The following SGMS2 variants were observed in gnomAD, a reference collection of about 807,000 sequenced individuals.
SGMS2 encodes phosphatidylcholine:ceramide cholinephosphotransferase 2.
SGMS2 carries 21 observed loss-of-function variants against 43.8 expected under a neutral mutation model. That is an observed-to-expected ratio of 0.48 (90% CI 0.34 to 0.69). The LOEUF (loss-of-function observed/expected upper bound fraction) is 0.69, where lower values mean the gene tolerates loss of function less well. SGMS2 is among the 30% of genes least tolerant of loss of function. The pLI is 0.01. For synonymous variants in SGMS2, 167 were observed against 160.6 expected, an observed-to-expected ratio of 1.04 and a Z score of -0.30; for missense variants, 384 against 443.2, an observed-to-expected ratio of 0.87 and a Z score of 1.20.
intron 1 of SGMS2, among the ~76,000 whole-genome samples, chr4:107,849,781 C>T (rs904211205): frequency 9.9e-5 from 15 of 152,198 alleles, no homozygotes; most frequent in African/African-American, 3.4e-4. Flanking sequence ...ATATTTCCCT[C>T]TGCTCTCAAT....
intron 1 of SGMS2, among the ~76,000 whole-genome samples, chr4:107,850,579 C>T (rs1349537289): frequency 1.3e-5 from 2 of 152,190 alleles, no homozygotes; most frequent in African/African-American, 2.4e-5. Context: ...ATCCAGGGTA[C>T]CTAGCCCAAG....
At position 107,913,455 on chromosome 4, in the gene SGMS2, T is replaced by C. The variant is rs1298639263; in HGVS notation, c.*2902T>C. ...AGTCTACTCTGGTTTGTGGATGACATTGCATTAGGGTTATTTCCTGTATTA... is the reference window on the plus strand; with the variant it reads ...AGTCTACTCTGGTTTGTGGATGACACTGCATTAGGGTTATTTCCTGTATTA... On this transcript the variant is annotated 3_prime_UTR_variant, in exon 7 of 7. Transcript: ENST00000690982. 6.6e-6 allele frequency: 1 copy of C among 152,126 alleles called. No individual in the cohort carries two copies. The highest frequency in any genetic ancestry group is 1.5e-5 in the Non-Finnish European group (1 of 68,016). The allele number at this position is 152,126 out of a possible 1,614,324, so 9.4% of individuals were successfully genotyped here.
At chr4:107,859,245 C>T (rs140314464) in intron 2 of SGMS2, among the ~76,000 whole-genome samples, 12 of 152,040 alleles carry the variant, frequency 7.9e-5, no homozygotes, top group African/African-American at 2.9e-4. Context: ...TTCATTTGAC[C>T]CTGATGATAG....
chr4:107,842,791 T>A (rs1726600199), intron 1 of SGMS2, among the ~76,000 whole-genome samples: 1 of 152,204 alleles, frequency 6.6e-6, no homozygotes, highest in Non-Finnish European at 1.5e-5. Context: ...TTTTTTCAAC[T>A]CTTTAAATCC....
At chr4:107,904,792 G>A (rs1731412112) in intron 5 of SGMS2, among the ~76,000 whole-genome samples, 2 of 152,072 alleles carry the variant, frequency 1.3e-5, no homozygotes, top group South Asian at 4.2e-4. Context: ...TATTGGTTCT[G>A]GGGGGTTGGA....
chr4:107,852,131 C>T (rs535613361), intron 1 of SGMS2, among the ~76,000 whole-genome samples: 8 of 151,614 alleles, frequency 5.3e-5, no homozygotes, highest in Non-Finnish European at 5.9e-5. Context: ...TGCAGTGGCG[C>T]GATCTCGGCT....
chr4:107,835,953 G>A (rs984786378), intron 1 of SGMS2, among the ~76,000 whole-genome samples: 1 of 152,118 alleles, frequency 6.6e-6, no homozygotes, highest in Non-Finnish European at 1.5e-5. Flanking sequence ...ATACATGATA[G>A]CCATTTATGT....
chr4:107,889,480 G>T (rs1271074344), intron 2 of SGMS2, among the ~76,000 whole-genome samples: 2 of 152,118 alleles, frequency 1.3e-5, no homozygotes, highest in African/African-American at 2.4e-5. Flanking sequence ...ACTTGAAAAA[G>T]CATTTGATTA....
At chr4:107,847,241 T>C (rs1261971591) in intron 1 of SGMS2, among the ~76,000 whole-genome samples, 2 of 152,100 alleles carry the variant, frequency 1.3e-5, no homozygotes, top group Admixed American at 6.5e-5. Flanking sequence ...GTTTTTATGG[T>C]TTTAGGTCTA....
intron 2 of SGMS2, among the ~76,000 whole-genome samples, chr4:107,871,036 C>A (rs1334739428): frequency 6.6e-6 from 1 of 152,078 alleles, no homozygotes; most frequent in Non-Finnish European, 1.5e-5. Context: ...TTAGAGACAG[C>A]GATTTTAATC....
In SGMS2 at chr4:107,914,856, C is replaced by T. The variant is rs1260767906; in HGVS notation, c.*4303C>T. On this transcript the variant is annotated 3_prime_UTR_variant, in exon 7 of 7. Transcript: ENST00000690982. ...TTTAGGAGTGTAACTATAGTTTATA[C>T]TTCTATAATGTTGTCTTACATTTAC... 2 of 152,066 alleles carry T rather than the reference C, an allele frequency of 1.3e-5. No homozygotes were observed. The highest frequency in any genetic ancestry group is 4.8e-5 in the African/African-American group (2 of 41,426). The allele number at this position is 152,066 out of a possible 1,614,324, so 9.4% of individuals were successfully genotyped here. A position where few individuals can be genotyped will look rare whatever the true frequency, so the allele number is the denominator to read the frequency against.
intron 2 of SGMS2, among the ~76,000 whole-genome samples, chr4:107,890,733 G>A (rs967438335): frequency 6.6e-6 from 1 of 150,974 alleles, no homozygotes; most frequent in Non-Finnish European, 1.5e-5. Context: ...AAACATGAAG[G>A]CCTTTTAAAT....
At chr4:107,880,584 G>A (rs957615062) in intron 2 of SGMS2, among the ~76,000 whole-genome samples, 4 of 152,040 alleles carry the variant, frequency 2.6e-5, no homozygotes, top group South Asian at 2.1e-4. Context: ...GGCCGGGTGC[G>A]ATGGCTCACA....
chr4:107,900,656 G>A (rs970810101), intron 4 of SGMS2, among the ~76,000 whole-genome samples: 1 of 152,064 alleles, frequency 6.6e-6, no homozygotes, highest in Non-Finnish European at 1.5e-5. Context: ...TCGGACTTCA[G>A]TGCACCCTGG....
intron 1 of SGMS2, 105 bp downstream of exon 1, chr4:107,825,358 A>T (rs1725519263): frequency 6.6e-6 from 1 of 152,322 alleles, no homozygotes; most frequent in African/African-American, 2.4e-5. Flanking sequence ...ACGTGGCTCT[A>T]ATCCGGCCCC....
chr4:107,872,137 G>A (rs762662992), intron 2 of SGMS2, among the ~76,000 whole-genome samples: 2 of 152,154 alleles, frequency 1.3e-5, no homozygotes, highest in African/African-American at 2.4e-5. Flanking sequence ...CAGGTTTCTA[G>A]AGGGCATTTA....
chr4:107,841,508 G>A (rs545140396), intron 1 of SGMS2, among the ~76,000 whole-genome samples: 1 of 152,056 alleles, frequency 6.6e-6, no homozygotes, highest in Admixed American at 6.5e-5. Context: ...TCATTTTGAG[G>A]CAGTCAGAAA....
chr4:107,908,365 G>A (rs569567761), intron 5 of SGMS2, 200 bp from the exon 6 acceptor site: 113 of 528,846 alleles, frequency 2.1e-4, no homozygotes, highest in African/African-American at 1.9e-3. Flanking sequence ...TATTACGCCC[G>A]CTGCCAGGGA....
chr4:107,873,925 C>T (rs1728725196), intron 2 of SGMS2: 1 of 152,106 alleles, frequency 6.6e-6, no homozygotes, highest in Non-Finnish European at 1.5e-5. Flanking sequence ...CAGTGTCTAC[C>T]TTCACTTTTC....
Sources: gnomAD v4.1 joint callset for allele counts (sites outside exome capture counted in the v4.1 genomes callset) on GRCh38, gnomAD v4.1.1 for gene constraint, MANE v1.5 for transcripts, NCBI Gene and HGNC (gene_info 2026-07-23, HGNC 2026-07-21) for gene names.